Variants in ZFYVE9 observed in about 807,000 individuals in gnomAD.
The protein encoded by ZFYVE9 is zinc finger FYVE domain-containing protein 9.
In ZFYVE9, 43 loss-of-function variants were observed where a neutral mutation model predicts 126.7. The observed-to-expected ratio is 0.34, with a 90% CI of 0.27 to 0.44. The LOEUF (loss-of-function observed/expected upper bound fraction) is 0.44, where lower values mean the gene tolerates loss of function less well. Among genes scored for constraint, ZFYVE9 ranks in the 20% least tolerant of loss-of-function variants. The pLI is 1.00. For missense variants in ZFYVE9, 1,476 were observed against 1,697.0 expected (o/e 0.87, Z 2.29); for synonymous variants, 521 against 597.4 (o/e 0.87, Z 1.87).
intron 2 of ZFYVE9, among the ~76,000 whole-genome samples, chr1:52,223,459 C>T (rs1418919572): frequency 6.6e-6 from 1 of 152,170 alleles, no homozygotes; most frequent in Non-Finnish European, 1.5e-5. Flanking sequence ...TCATCCCTCT[C>T]TACATACACC....
intron 8 of ZFYVE9, among the ~76,000 whole-genome samples, chr1:52,276,967 C>G (rs1176638090): frequency 6.6e-6 from 1 of 152,204 alleles, no homozygotes; most frequent in Admixed American, 6.5e-5. Context: ...ATATTGTACT[C>G]TCAAATGCAG....
intron 13 of ZFYVE9, among the ~76,000 whole-genome samples, chr1:52,318,267 G>A (rs1209484752): frequency 6.6e-6 from 1 of 151,892 alleles, no homozygotes; most frequent in African/African-American, 2.4e-5. Context: ...CATAGTTTAG[G>A]ATACAGGATC....
At chr1:52,203,243 C>G (rs992570456) in intron 1 of ZFYVE9, among the ~76,000 whole-genome samples, 2 of 151,744 alleles carry the variant, frequency 1.3e-5, no homozygotes, top group Non-Finnish European at 2.9e-5. Context: ...GTGCAGTGGC[C>G]TGATCTCGGT....
chr1:52,333,305 A>T lies in ZFYVE9; in HGVS notation c.3589+387A>T, dbSNP rs144798773. ...TATAATAATTAAAAAAAAAAAAAAA[A>T]ATATGCCCTTAGGATATTGACAAGG... is the stretch of plus-strand genomic sequence containing the variant. On this transcript the variant is annotated intron_variant, in intron 14 of 18. Transcript: ENST00000287727. 5.7e-3 allele frequency among the ~76,000 whole-genome samples: 873 copies of T among 151,996 alleles called. 3 individuals are homozygous for T. Among genetic ancestry groups the T allele is most frequent in the East Asian group, 0.027 (141 of 5,172 alleles).
intron 2 of ZFYVE9, among the ~76,000 whole-genome samples, chr1:52,220,981 T>G (rs1645119454): frequency 6.6e-6 from 1 of 152,230 alleles, no homozygotes; most frequent in Admixed American, 6.5e-5. Flanking sequence ...GAAGATTTTC[T>G]AATACTTGCA....
Position 52,233,218 on chromosome 1 carries a change from C to T in ZFYVE9, c.12C>T (p.Tyr4=), listed in dbSNP as rs1488802921. The T allele has an allele frequency of 6.3e-7, 1 of 1,580,518 alleles. No homozygotes were observed. MEN[Y]FQAEAYNLDK... ...GTGTTTCCTCACCGATGGAGAATTA[C>T]TTCCAAGCAGAAGCTTACAACCTGG... is the stretch of plus-strand genomic sequence containing the variant. Residue 4 remains tyrosine, a synonymous_variant, in exon 3 of 19, where the codon TAC becomes TAT. Coordinates refer to ENST00000287727, the MANE Select transcript of ZFYVE9 (RefSeq NM_004799.4).
chr1:52,212,926 T>A (rs76789961), intron 1 of ZFYVE9, among the ~76,000 whole-genome samples: 6,649 of 152,292 alleles, frequency 0.044, 493 homozygotes, highest in African/African-American at 0.15. Context: ...TTAGAGGAGT[T>A]CTGTGAAATT....
At chr1:52,144,490 T>C (rs1004327862) in intron 1 of ZFYVE9, among the ~76,000 whole-genome samples, 1 of 152,104 alleles carries the variant, frequency 6.6e-6, no homozygotes, top group South Asian at 2.1e-4. Context: ...TTTTTATCAG[T>C]CTCCCTGATT....
At chr1:52,202,650 C>A (rs1644934699) in intron 1 of ZFYVE9, among the ~76,000 whole-genome samples, 2 of 151,784 alleles carry the variant, frequency 1.3e-5, no homozygotes, top group Admixed American at 1.3e-4. Flanking sequence ...CATTGACCTT[C>A]AAAGCAATTT....
intron 1 of ZFYVE9, among the ~76,000 whole-genome samples, chr1:52,156,994 G>A (rs1383377246): frequency 2.6e-5 from 4 of 151,952 alleles, no homozygotes; most frequent in East Asian, 1.9e-4. Flanking sequence ...CACCTCGCCC[G>A]GCTAAATTTT....
chr1:52,197,636 C>G (rs191876889), intron 1 of ZFYVE9, among the ~76,000 whole-genome samples: 18 of 150,484 alleles, frequency 1.2e-4, no homozygotes, highest in Admixed American at 9.4e-4. Flanking sequence ...TGTAGTATCA[C>G]ACAAGTCATG....
chr1:52,313,823 G>A (rs771219938), intron 13 of ZFYVE9, among the ~76,000 whole-genome samples: 1 of 152,136 alleles, frequency 6.6e-6, no homozygotes, highest in African/African-American at 2.4e-5. Context: ...AGGTGGCAAC[G>A]GGATGAAAAG....
chr1:52,266,883 A>G, intron 6 of ZFYVE9, 52 bp downstream of exon 6: 1 of 1,484,422 alleles, frequency 6.7e-7, no homozygotes, highest in Non-Finnish European at 9.0e-7. Context: ...GTTCCTCTGA[A>G]AAGGTGCTGA....
At chr1:52,213,267 T>C (rs1645043745) in intron 1 of ZFYVE9, among the ~76,000 whole-genome samples, 1 of 152,236 alleles carries the variant, frequency 6.6e-6, no homozygotes. Context: ...ATTAGGGCAT[T>C]AGCAACTTTA....
Position 52,293,526 on chromosome 1 carries a change from C to T in ZFYVE9, c.3099C>T (p.Phe1033=), listed in dbSNP as rs777896218. 6.2e-7 allele frequency: 1 copy of T among 1,613,884 alleles called. No homozygotes were observed. The highest frequency in any genetic ancestry group is 1.1e-5 in the South Asian group (1 of 91,074). Residue 1033 remains phenylalanine (F), a synonymous_variant, in exon 11 of 19, where the codon TTC becomes TTT. Coordinates refer to ENST00000287727, the MANE Select transcript of ZFYVE9 (RefSeq NM_004799.4). ...TTGGCAGTAAAGAACATGGTGGATTCTTATATGTGACATCTACCTACCAGT... is the reference window on the plus strand; with the variant it reads ...TTGGCAGTAAAGAACATGGTGGATTTTTATATGTGACATCTACCTACCAGT... The part of the protein sequence containing the change: ...SFLGSKEHGG[F]LYVTSTYQSL...
In ZFYVE9 at chr1:52,346,100, C is replaced by T. The variant is rs1216730359; in HGVS notation, c.4157C>T (p.Ser1386Leu). ...GGGAGCAATGGCCAGCCCCTTCCCT[C>T]GCAGTACATGAATGATCTGGACAGC... ...QAGSNGQPLPSQYMNDLDSAL... is the reference protein window; with the variant it reads ...QAGSNGQPLPLQYMNDLDSAL... The change falls in exon 19 of 19, where the codon TCG (serine) becomes TTG (leucine). Residue 1386 changes from serine to leucine, a missense_variant. Physicochemically the swap from Ser to Leu is moderately radical, Grantham distance 145. Coordinates refer to ENST00000287727, the MANE Select transcript of ZFYVE9 (RefSeq NM_004799.4). 3.1e-6 allele frequency: 5 copies of T among 1,610,802 alleles called. No individual in the cohort carries two copies. Among genetic ancestry groups the T allele is most frequent in the Non-Finnish European group, 4.2e-6 (5 of 1,177,758 alleles).
chr1:52,231,297 C>T (rs1337168991), intron 2 of ZFYVE9, among the ~76,000 whole-genome samples: 4 of 152,062 alleles, frequency 2.6e-5, no homozygotes, highest in Non-Finnish European at 4.4e-5. Flanking sequence ...GTGGGCAGAT[C>T]ACTTGAGGTC....
chr1:52,299,655 C>T (rs912975285), intron 12 of ZFYVE9, among the ~76,000 whole-genome samples: 2 of 152,116 alleles, frequency 1.3e-5, no homozygotes, highest in African/African-American at 4.8e-5. Context: ...CAGGGAGGTG[C>T]CATGTGAGTT....
intron 1 of ZFYVE9, among the ~76,000 whole-genome samples, chr1:52,166,509 A>G (rs551165708): frequency 4.2e-4 from 64 of 152,338 alleles, no homozygotes; most frequent in African/African-American, 1.4e-3. Context: ...AACTGACTTA[A>G]TCATTTTAAA....
Sources: gnomAD v4.1 joint callset for allele counts (sites outside exome capture counted in the v4.1 genomes callset) on GRCh38, gnomAD v4.1.1 for gene constraint, MANE v1.5 for transcripts, NCBI Gene and HGNC (gene_info 2026-07-23, HGNC 2026-07-21) for gene names.